Variants in KCNQ4 observed in about 807,000 individuals in gnomAD.
KCNQ4 encodes potassium voltage-gated channel subfamily Q member 4.
A neutral mutation model predicts 72.6 loss-of-function variants in KCNQ4; 31 were observed. The observed-to-expected ratio is 0.43, with a 90% CI of 0.32 to 0.58. The LOEUF (loss-of-function observed/expected upper bound fraction) is 0.58. KCNQ4 is among the 20% of genes least tolerant of loss of function. The probability of loss-of-function intolerance (pLI) is 0.08; values close to 1 mark genes in which losing one functional copy is unlikely to be tolerated. For synonymous variants in KCNQ4, 405 were observed against 403.7 expected, an observed-to-expected ratio of 1.00 and a Z score of -0.04; for missense variants, 869 against 962.6, an observed-to-expected ratio of 0.90 and a Z score of 1.29.
At chr1:40,821,349 C>G (rs11803453) in intron 7 of KCNQ4, among the ~76,000 whole-genome samples, 1 of 152,236 alleles carries the variant, frequency 6.6e-6, no homozygotes, top group Non-Finnish European at 1.5e-5. Flanking sequence ...GTGGCAGCCC[C>G]TTAAGGACAA....
chr1:40,822,641 G>A (rs1648339642), intron 8 of KCNQ4, among the ~76,000 whole-genome samples: 1 of 152,202 alleles, frequency 6.6e-6, no homozygotes, highest in South Asian at 2.1e-4. Context: ...CTGCCCCATG[G>A]CTGAACCCCG....
At chr1:40,791,982 G>T (rs1647292482) in intron 1 of KCNQ4, among the ~76,000 whole-genome samples, 1 of 150,488 alleles carries the variant, frequency 6.6e-6, no homozygotes, top group South Asian at 2.1e-4. Context: ...CTCCCACAGA[G>T]CGAAAGATGG....
intron 1 of KCNQ4, among the ~76,000 whole-genome samples, chr1:40,797,777 C>T (rs761449705): frequency 3.9e-5 from 6 of 152,096 alleles, no homozygotes; most frequent in Non-Finnish European, 7.4e-5. Context: ...CAACCTGACC[C>T]GGAGCCCTAG....
intron 7 of KCNQ4, among the ~76,000 whole-genome samples, chr1:40,821,735 C>T (rs747273422): frequency 4.6e-5 from 7 of 152,092 alleles, no homozygotes; most frequent in South Asian, 2.1e-4. Flanking sequence ...GAGAATGCAG[C>T]GGTAACAAAG....
chr1:40,813,167 A>T (rs1472355953), intron 1 of KCNQ4, among the ~76,000 whole-genome samples: 2 of 152,174 alleles, frequency 1.3e-5, no homozygotes, highest in Non-Finnish European at 2.9e-5. Flanking sequence ...GGAGGCACAG[A>T]CCTTGCAGGG....
chr1:40,789,335 T>C (rs1031502553), intron 1 of KCNQ4, among the ~76,000 whole-genome samples: 2 of 152,166 alleles, frequency 1.3e-5, no homozygotes, highest in African/African-American at 4.8e-5. Context: ...CCCAAGCCTT[T>C]TGTCTCCCAG....
In KCNQ4 at chr1:40,796,306, T is replaced by C. The variant is rs560347707; in HGVS notation, c.314+11899T>C. Among the ~76,000 whole-genome samples, 11 of 152,230 alleles carry C rather than the reference T, an allele frequency of 7.2e-5. No homozygotes were observed. The East Asian group carries it at 2.1e-3, about 29-fold the overall frequency. The stretch of plus-strand genomic sequence containing the variant: ...CCCTCTCTGCTCTGGCTCTCAATAA[T>C]AACAAAGATAATACTAGCAGGACCT... On this transcript the variant is annotated intron_variant, in intron 1 of 13. Transcript: ENST00000347132.
At position 40,837,800 on chromosome 1, in the gene KCNQ4, T is replaced by TGTA; in HGVS notation, c.1875+8_1875+10dup. 1 of 1,605,130 alleles carries TGTA rather than the reference T, an allele frequency of 6.2e-7. No individual in the cohort carries two copies. The highest frequency in any genetic ancestry group is 8.5e-7 in the Non-Finnish European group (1 of 1,176,590). On this transcript the variant is annotated splice_region_variant and intron_variant, in intron 13 of 13. Transcript: ENST00000347132. ...TGGTCAAGGTGGAGAAGCAGGTGAG[T>TGTA]GTAGGATGGGGTGGCGGAGCTGGCC...
At position 40,784,237 on chromosome 1, in the gene KCNQ4, G is replaced by A. The variant is rs1647181545; in HGVS notation, c.144G>A (p.Leu48=). 1 of 1,340,428 alleles carries A rather than the reference G, an allele frequency of 7.5e-7. No homozygotes were observed. The highest frequency in any genetic ancestry group is 9.5e-7 in the Non-Finnish European group (1 of 1,053,100). The allele number at this position is 1,340,428 out of a possible 1,614,324, so 83.0% of individuals were successfully genotyped here. A position where few individuals can be genotyped will look rare whatever the true frequency, so the allele number is the denominator to read the frequency against. The change falls in exon 1 of 14, where the codon CTG becomes CTA. Residue 48 remains leucine, a synonymous_variant. Coordinates refer to ENST00000347132, the MANE Select transcript of KCNQ4 (RefSeq NM_004700.4). The surrounding 1 kb of genome is among the most constrained non-coding windows in gnomAD (Gnocchi z 4.1). ...GGGSPRRLGL[L]GSPLPPGAPL... ...GCTCCCCGCGCCGCCTCGGCCTCCTGGGCAGCCCCCTGCCGCCGGGCGCGC... is the reference window on the plus strand; with the variant it reads ...GCTCCCCGCGCCGCCTCGGCCTCCTAGGCAGCCCCCTGCCGCCGGGCGCGC...
chr1:40,802,497 C>T (rs1647611980), intron 1 of KCNQ4, among the ~76,000 whole-genome samples: 1 of 152,108 alleles, frequency 6.6e-6, no homozygotes, highest in Non-Finnish European at 1.5e-5. Flanking sequence ...CCGCCCCTCC[C>T]AGGGACGCAA....
chr1:40,799,433 C>T (rs574135316), intron 1 of KCNQ4, among the ~76,000 whole-genome samples: 5 of 56,530 alleles, frequency 8.8e-5, no homozygotes, highest in Non-Finnish European at 1.9e-4. Flanking sequence ...GTGGGCCATG[C>T]CCCCCCCCTC....
At chr1:40,818,778 G>T in intron 4 of KCNQ4, 98 bp downstream of exon 4, 3 of 1,355,068 alleles carry the variant, frequency 2.2e-6, no homozygotes, top group Non-Finnish European at 2.0e-6. Context: ...GGCTGTCTCC[G>T]TGCTGGGAAG....
rs1409262851 is a variant in KCNQ4 at position 40,788,189 on chromosome 1, G to A, written c.314+3782G>A. On this transcript the variant is annotated intron_variant, in intron 1 of 13. Transcript: ENST00000347132. The surrounding 1 kb of genome is among the most constrained non-coding windows in gnomAD (Gnocchi z 4.5). ...AGCAAAGTGTCCTCAGAACCCTCAG[G>A]CATCCCCGCTAGGTCAGTCGGTCCT... Among the ~76,000 whole-genome samples, 2 of 152,096 alleles carry A rather than the reference G, an allele frequency of 1.3e-5. No homozygotes were observed. Among genetic ancestry groups the A allele is most frequent in the Non-Finnish European group, 2.9e-5 (2 of 68,018 alleles).
intron 1 of KCNQ4, among the ~76,000 whole-genome samples, chr1:40,808,705 C>T (rs372736681): frequency 6.6e-6 from 1 of 152,216 alleles, no homozygotes; most frequent in African/African-American, 2.4e-5. Flanking sequence ...CTCCCTGGCT[C>T]TGGATCCCAG....
In KCNQ4 at chr1:40,838,913, C is replaced by T; in HGVS notation, c.*390C>T. On this transcript the variant is annotated 3_prime_UTR_variant, in exon 14 of 14. Transcript: ENST00000347132. ...ATGCAAGGTGAGGTCTCTGGCCCAC[C>T]CTTCGGACACAGCAGGGAAGCCCTC... is the stretch of plus-strand genomic sequence containing the variant. The T allele has an allele frequency of 3.0e-6, 1 of 336,274 alleles. No individual in the cohort carries two copies. The highest frequency in any genetic ancestry group is 3.0e-5 in the South Asian group (1 of 33,840). The allele number at this position is 336,274 out of a possible 1,614,324, so 20.8% of individuals were successfully genotyped here.
chr1:40,784,244 C>G lies in KCNQ4; in HGVS notation c.151C>G (p.Pro51Ala), dbSNP rs1557977267. The change falls in exon 1 of 14, where the codon CCC (proline) becomes GCC (alanine). Residue 51 changes from proline (P) to alanine (A), a missense_variant. This residue lies in a region of KCNQ4 where 178 missense variants were observed against 145.3 expected (regional missense o/e 1.22). Transcript: ENST00000347132. The surrounding 1 kb of genome is among the most constrained non-coding windows in gnomAD (Gnocchi z 4.1). ...GCGCCGCCTCGGCCTCCTGGGCAGC[C>G]CCCTGCCGCCGGGCGCGCCCCTCCC... ...SPRRLGLLGS[P>A]LPPGAPLPGP... The G allele has an allele frequency of 7.3e-7, 1 of 1,364,450 alleles. No individual in the cohort carries two copies. Among genetic ancestry groups the G allele is most frequent in the Non-Finnish European group, 9.4e-7 (1 of 1,066,326 alleles). 84.5% of individuals were successfully genotyped at this position (1,364,450 alleles called of 1,614,324 possible).
intron 9 of KCNQ4, among the ~76,000 whole-genome samples, chr1:40,828,667 G>C (rs1410648686): frequency 6.6e-6 from 1 of 152,222 alleles, no homozygotes; most frequent in African/African-American, 2.4e-5. Flanking sequence ...CACAGTGGCT[G>C]AGAGAACTGA....
At position 40,824,247 on chromosome 1, in the gene KCNQ4, C is replaced by T. The variant is rs1449160454; in HGVS notation, c.1281C>T (p.Cys427=). The T allele has an allele frequency of 1.9e-6, 3 of 1,608,376 alleles. No individual in the cohort carries two copies. The South Asian group carries it at 3.3e-5, about 18-fold the overall frequency. Residue 427 remains cysteine, a synonymous_variant, in exon 9 of 14, where the codon TGC becomes TGT. Coordinates refer to ENST00000347132, the MANE Select transcript of KCNQ4 (RefSeq NM_004700.4). The part of the protein sequence containing the change: ...TCHRPGSTSF[C]PGESSRMGIK... ...ACCGGCCGGGCAGCACCTCCTTCTGCCCTGGGGAAAGGTAGGGGCCCCGTG... is the reference window on the plus strand; with the variant it reads ...ACCGGCCGGGCAGCACCTCCTTCTGTCCTGGGGAAAGGTAGGGGCCCCGTG...
At chr1:40,819,136 G>A (rs558385709) in intron 4 of KCNQ4, 4 of 566,318 alleles carry the variant, frequency 7.1e-6, no homozygotes, top group Non-Finnish European at 1.3e-5. Flanking sequence ...CGGGGTGAGG[G>A]TGGGGGTGGG....
Sources: gnomAD v4.1 joint callset for allele counts (sites outside exome capture counted in the v4.1 genomes callset) on GRCh38, gnomAD v4.1.1 for gene constraint, gnomAD v4.1.1 regional missense constraint, Gnocchi (gnomAD v3.1) non-coding constraint, MANE v1.5 for transcripts, NCBI Gene and HGNC (gene_info 2026-07-23, HGNC 2026-07-21) for gene names.